Variants in DSCAM observed in about 807,000 individuals in gnomAD.
DSCAM encodes the protein cell adhesion molecule DSCAM.
In DSCAM, 47 loss-of-function variants were observed where a neutral mutation model predicts 217.7. That is an observed-to-expected ratio of 0.22 (90% confidence interval 0.17 to 0.28). The LOEUF (loss-of-function observed/expected upper bound fraction) is 0.28, where lower values mean the gene tolerates loss of function less well. Among genes scored for constraint, DSCAM ranks in the 10% least tolerant of loss-of-function variants. The pLI is 1.00. For synonymous variants in DSCAM, 1,056 were observed against 1,015.3 expected, an observed-to-expected ratio of 1.04 and a Z score of -0.76; for missense variants, 2,080 against 2,618.3, an observed-to-expected ratio of 0.79 and a Z score of 4.49.
rs892671707 is a variant in DSCAM at position 40,161,319 on chromosome 21, A to C, written c.3018+5899T>G. ...GAATACATTCCAAATGGTATAAATA[A>C]ACACCATGGCTTCATTAAAGAAACA... On this transcript the variant is annotated intron_variant, in intron 16 of 32. Coordinates refer to ENST00000400454, the MANE Select transcript of DSCAM (RefSeq NM_001389.5). 3.3e-5 allele frequency among the ~76,000 whole-genome samples: 5 copies of C among 152,300 alleles called. No homozygotes were observed. The East Asian group carries it at 7.7e-4, about 24-fold the overall frequency.
chr21:40,438,730 A>G (rs907674209), intron 3 of DSCAM, among the ~76,000 whole-genome samples: 2 of 152,152 alleles, frequency 1.3e-5, no homozygotes, highest in African/African-American at 4.8e-5. Context: ...GCTCTCCAAA[A>G]TGAGGGTGTC....
chr21:40,813,645 G>GTTTTTTTT (rs869088003), intron 1 of DSCAM, among the ~76,000 whole-genome samples: 1 of 126,514 alleles, frequency 7.9e-6, no homozygotes. Flanking sequence ...TTTCTTTCTT[G>GTTTTTTTT]TTTTTTTTTT....
intron 32 of DSCAM, among the ~76,000 whole-genome samples, chr21:40,020,727 C>G (rs746356842): frequency 1.3e-5 from 2 of 152,178 alleles, no homozygotes; most frequent in East Asian, 3.9e-4. Context: ...CCTACCTGCC[C>G]GCACTGCCGG....
chr21:40,105,018 C>T (rs759508237), intron 20 of DSCAM, among the ~76,000 whole-genome samples: 9 of 152,156 alleles, frequency 5.9e-5, no homozygotes, highest in Non-Finnish European at 1.2e-4. Context: ...GGTTATCTGA[C>T]AAATCAGGCA....
At position 40,124,461 on chromosome 21, in the gene DSCAM, C is replaced by A. The variant is rs543360276; in HGVS notation, c.3563-133G>T. 17 of 1,114,588 alleles carry A rather than the reference C, an allele frequency of 1.5e-5. No homozygotes were observed. In the South Asian group the frequency reaches 1.8e-4, roughly 12 times the overall value. The allele number at this position is 1,114,588 out of a possible 1,614,324, so 69.0% of individuals were successfully genotyped here. A position where few individuals can be genotyped will look rare whatever the true frequency, so the allele number is the denominator to read the frequency against. On this transcript the variant is annotated intron_variant, in intron 19 of 32. Transcript: ENST00000400454. ...ATGAGCGTTATGGGTTCCGCTGTGT[C>A]CCCCCAAATGCATATGTTGAAGTCC...
chr21:40,214,497 T>C (rs915579028), intron 11 of DSCAM, among the ~76,000 whole-genome samples: 7 of 152,072 alleles, frequency 4.6e-5, no homozygotes, highest in African/African-American at 1.7e-4. Context: ...GATAAAATAG[T>C]GTGTAGAGAT....
rs141275158 is a variant in DSCAM, at chr21:40,349,498, G to A, written c.935-1553C>T. On this transcript the variant is annotated intron_variant, in intron 5 of 32. Coordinates refer to ENST00000400454, the MANE Select transcript of DSCAM (RefSeq NM_001389.5). Reference sequence around the variant, plus strand: ...TTACTGAGCATCTGTCATATGCCAAGGATGAGGTTAAACTCACAGGCAAGA... The same window carrying A: ...TTACTGAGCATCTGTCATATGCCAAAGATGAGGTTAAACTCACAGGCAAGA... Among the ~76,000 whole-genome samples the A allele has an allele frequency of 3.7e-3, 565 of 152,258 alleles. 1 individual carries two copies. The highest frequency in any genetic ancestry group is 6.7e-3 in the Non-Finnish European group (453 of 68,020).
At chr21:40,558,580 C>G (rs1201079492) in intron 3 of DSCAM, among the ~76,000 whole-genome samples, 3 of 152,104 alleles carry the variant, frequency 2.0e-5, no homozygotes, top group African/African-American at 7.2e-5. Flanking sequence ...AACGGATAAT[C>G]AAATGATCTG....
chr21:40,659,353 GTATCTATCTATCTATCTATCTATC>G (rs55878811), intron 3 of DSCAM, among the ~76,000 whole-genome samples: 19 of 148,492 alleles, frequency 1.3e-4, no homozygotes, highest in African/African-American at 4.3e-4. Context: ...GATCAGATGA[GTATCTATCTATCTATCTATCTATC>G]TATCTATCTA....
At chr21:40,347,026 A>G (rs781746796) in intron 6 of DSCAM, among the ~76,000 whole-genome samples, 1 of 152,182 alleles carries the variant, frequency 6.6e-6, no homozygotes, top group African/African-American at 2.4e-5. Context: ...CACATAAAAA[A>G]GTTTCCCAAG....
chr21:40,106,503 G>C (rs796383553), intron 20 of DSCAM, among the ~76,000 whole-genome samples: 12 of 152,216 alleles, frequency 7.9e-5, no homozygotes, highest in African/African-American at 2.9e-4. Flanking sequence ...TTAGGAAGGA[G>C]TCCCCCCTCC....
intron 3 of DSCAM, among the ~76,000 whole-genome samples, chr21:40,593,387 A>G (rs1208750894): frequency 6.6e-6 from 1 of 151,056 alleles, no homozygotes; most frequent in Non-Finnish European, 1.5e-5. Context: ...AGGCAGTGGC[A>G]TGATCTCAGC....
chr21:40,350,877 CTTT>C (rs10658416), intron 5 of DSCAM, among the ~76,000 whole-genome samples: 237 of 63,860 alleles, frequency 3.7e-3, no homozygotes, highest in Non-Finnish European at 4.5e-3. Flanking sequence ...ATAAGTCATA[CTTT>C]TTTTTTTTTT....
chr21:40,043,993 C>G lies in DSCAM; in HGVS notation c.5383+85G>C, dbSNP rs1341389468. 3.6e-6 allele frequency: 5 copies of G among 1,407,990 alleles called. No individual in the cohort carries two copies. The East Asian group carries it at 1.1e-4, about 32-fold the overall frequency. 87.2% of individuals were successfully genotyped at this position (1,407,990 alleles called of 1,614,324 possible). A position where few individuals can be genotyped will look rare whatever the true frequency, so the allele number is the denominator to read the frequency against. On this transcript the variant is annotated intron_variant, in intron 31 of 32. Transcript: ENST00000400454. ...ATAAGTAAGAGGGAGGAAGCCCTCT[C>G]TCCCCTCCCCAAGGAGCCCATGAAG...
chr21:40,123,280 G>C (rs577786609), intron 20 of DSCAM, among the ~76,000 whole-genome samples: 184 of 152,288 alleles, frequency 1.2e-3, no homozygotes, highest in African/African-American at 4.2e-3. Flanking sequence ...GTGGTCAAGA[G>C]GGTAAGTTTT....
chr21:40,737,916 G>C (rs912527730), intron 1 of DSCAM, among the ~76,000 whole-genome samples: 6 of 152,220 alleles, frequency 3.9e-5, no homozygotes, highest in Non-Finnish European at 7.4e-5. Flanking sequence ...TTTTCTGAAG[G>C]CACAGTCAAT....
intron 20 of DSCAM, among the ~76,000 whole-genome samples, chr21:40,111,853 C>A (rs1942750836): frequency 6.6e-6 from 1 of 151,942 alleles, no homozygotes; most frequent in Non-Finnish European, 1.5e-5. Flanking sequence ...ATCAATTCAA[C>A]AAGAAGAGCT....
chr21:40,187,095 AG>A, intron 14 of DSCAM, 35 bp downstream of exon 14: 1 of 1,608,702 alleles, frequency 6.2e-7, no homozygotes, highest in Non-Finnish European at 8.5e-7. Context: ...GAACTTTCTG[AG>A]GTGGAAGGGA....
intron 10 of DSCAM, among the ~76,000 whole-genome samples, chr21:40,291,801 C>T (rs980461581): frequency 2.0e-5 from 3 of 152,224 alleles, no homozygotes; most frequent in Admixed American, 2.0e-4. Context: ...TCTTTTTGGA[C>T]ATTCCCACAA....
Sources: allele counts gnomAD v4.1 joint callset (sites outside exome capture counted in the v4.1 genomes callset), GRCh38; gene constraint gnomAD v4.1.1; transcripts MANE v1.5; gene names NCBI Gene and HGNC (gene_info 2026-07-23, HGNC 2026-07-21).